The following TENM2 variants were observed in gnomAD, a reference collection of about 807,000 sequenced individuals.
The protein encoded by TENM2 is teneurin transmembrane protein 2, also known as teneurin-2.
TENM2 carries 52 observed loss-of-function variants against 245.2 expected under a neutral mutation model. That is an observed-to-expected ratio of 0.21 (90% CI 0.17 to 0.27). The LOEUF is 0.27. TENM2 is among the 10% of genes least tolerant of loss of function. TENM2 has a pLI of 1.00. For missense variants in TENM2, 3,046 were observed against 3,666.8 expected (o/e 0.83, Z 4.37); for synonymous variants, 1,363 against 1,438.9 (o/e 0.95, Z 1.19).
chr5:167,050,911 T>G, the TENM2 span, among the ~76,000 whole-genome samples: 1 of 152,180 alleles, frequency 6.6e-6, no homozygotes, highest in Non-Finnish European at 1.5e-5. Flanking sequence ...GTTTATAAGT[T>G]CTGGCAAAAG....
At chr5:168,000,653 A>G (rs1185087037) in intron 5 of TENM2, among the ~76,000 whole-genome samples, 2 of 152,186 alleles carry the variant, frequency 1.3e-5, no homozygotes, top group South Asian at 2.1e-4. Flanking sequence ...GAGGTTGTCA[A>G]TTAAACTATG....
intron 2 of TENM2, among the ~76,000 whole-genome samples, chr5:167,856,233 C>G (rs905623270): frequency 3.3e-5 from 5 of 152,098 alleles, no homozygotes; most frequent in African/African-American, 1.2e-4. Context: ...TGACCAGTCA[C>G]CCCTCCTGCC....
the TENM2 span, among the ~76,000 whole-genome samples, chr5:167,262,151 G>T: frequency 2.0e-5 from 3 of 152,298 alleles, no homozygotes; most frequent in East Asian, 5.8e-4. Flanking sequence ...GAAAGAAGAG[G>T]ATTATCAGAC....
intron 2 of TENM2, among the ~76,000 whole-genome samples, chr5:167,695,010 C>T (rs1405779557): frequency 6.6e-6 from 1 of 152,218 alleles, no homozygotes; most frequent in African/African-American, 2.4e-5. Flanking sequence ...TTCATCTACT[C>T]TTGCTTCTGA....
At chr5:167,158,934 CCTTCTTTCTTTCTTT>C in the TENM2 span, among the ~76,000 whole-genome samples, 6 of 145,894 alleles carry the variant, frequency 4.1e-5, no homozygotes, top group Admixed American at 6.9e-5. Flanking sequence ...CTCTCTCTCT[CCTTCTTTCTTTCTTT>C]CTTCTTTCTT....
intron 2 of TENM2, among the ~76,000 whole-genome samples, chr5:167,777,204 G>C (rs1763868828): frequency 6.6e-6 from 1 of 152,170 alleles, no homozygotes; most frequent in South Asian, 2.1e-4. Context: ...AGTCCACTGA[G>C]GCAGCTTTGG....
intron 5 of TENM2, among the ~76,000 whole-genome samples, chr5:168,011,431 A>G (rs1315472028): frequency 6.6e-6 from 1 of 152,214 alleles, no homozygotes; most frequent in African/African-American, 2.4e-5. Flanking sequence ...GCTGCTAAAC[A>G]TTTTTCAATG....
chr5:167,963,062 A>G (rs904821766), intron 4 of TENM2, among the ~76,000 whole-genome samples: 1 of 152,234 alleles, frequency 6.6e-6, no homozygotes, highest in African/African-American at 2.4e-5. Context: ...AAGCAAAAAG[A>G]TAGTTCAACA....
At chr5:166,979,562 CT>C in the TENM2 span, among the ~76,000 whole-genome samples, 2 of 152,242 alleles carry the variant, frequency 1.3e-5, no homozygotes, top group Admixed American at 6.5e-5. Context: ...ATGCTTAAGG[CT>C]TTTTTCCCCT....
intron 12 of TENM2, among the ~76,000 whole-genome samples, chr5:168,144,701 T>G (rs1034362455): frequency 6.6e-6 from 1 of 151,984 alleles, no homozygotes. Context: ...TACCCAGTAA[T>G]GGGATGGCTG....
intron 2 of TENM2, among the ~76,000 whole-genome samples, chr5:167,552,919 T>TAATGAATGAATGAATGAATG (rs10657967): frequency 1.3e-5 from 2 of 150,564 alleles, no homozygotes; most frequent in African/African-American, 4.9e-5. Flanking sequence ...GGTAAGTTAA[T>TAATGAATGAATGAATGAATG]AATGAATGAA....
At chr5:168,167,723 C>T (rs1430327143) in intron 13 of TENM2, among the ~76,000 whole-genome samples, 1 of 152,206 alleles carries the variant, frequency 6.6e-6, no homozygotes, top group African/African-American at 2.4e-5. Flanking sequence ...GACACTGTAT[C>T]ATCATAATTG....
exon 2 of TENM2, chr5:167,375,218 G>A (rs267600533): frequency 6.4e-7 from 1 of 1,551,572 alleles, no homozygotes; most frequent in Non-Finnish European, 8.7e-7. Context: ...CACCCTTGCC[G>A]AACTGGGCAT....
chr5:167,431,502 C>G (rs748742311), intron 2 of TENM2, among the ~76,000 whole-genome samples: 9 of 152,082 alleles, frequency 5.9e-5, no homozygotes, highest in Admixed American at 1.3e-4. Context: ...AACCAAGATT[C>G]AGGAAAAGTT....
At chr5:167,196,464 A>G in the TENM2 span, among the ~76,000 whole-genome samples, 14 of 149,534 alleles carry the variant, frequency 9.4e-5, no homozygotes, top group Admixed American at 4.7e-4. Context: ...GTATATATAT[A>G]TGTGTGTATA....
intron 2 of TENM2, among the ~76,000 whole-genome samples, chr5:167,670,990 G>A (rs1472583958): frequency 1.3e-5 from 2 of 151,916 alleles, no homozygotes; most frequent in African/African-American, 4.8e-5. Flanking sequence ...TTAATTAAAG[G>A]GACTCTTTCA....
At chr5:168,182,031 G>A (rs1452021492) in intron 13 of TENM2, among the ~76,000 whole-genome samples, 1 of 152,136 alleles carries the variant, frequency 6.6e-6, no homozygotes, top group Non-Finnish European at 1.5e-5. Context: ...CAGGGAAGGA[G>A]GATGCCTGAG....
At chr5:167,226,887 G>A in the TENM2 span, among the ~76,000 whole-genome samples, 1 of 151,630 alleles carries the variant, frequency 6.6e-6, no homozygotes, top group South Asian at 2.1e-4. Flanking sequence ...AAACATTTAG[G>A]ATTATTAGAT....
the TENM2 span, among the ~76,000 whole-genome samples, chr5:167,103,098 C>T: frequency 6.6e-6 from 1 of 152,314 alleles, no homozygotes; most frequent in Non-Finnish European, 1.5e-5. Context: ...ATCCAATGTA[C>T]AAATAATATA....
Sources: allele counts gnomAD v4.1 joint callset (sites outside exome capture counted in the v4.1 genomes callset), GRCh38; gene constraint gnomAD v4.1.1; transcripts MANE v1.5; gene names NCBI Gene and HGNC (gene_info 2026-07-23, HGNC 2026-07-21).